TLK1: variants seen among roughly 807,000 people sequenced by gnomAD.
TLK1 encodes the protein serine/threonine-protein kinase tousled-like 1.
In TLK1, 24 loss-of-function variants were observed where a neutral mutation model predicts 105.3. That is an observed-to-expected ratio of 0.23 (90% confidence interval 0.17 to 0.32). The LOEUF (loss-of-function observed/expected upper bound fraction) is 0.32. Among genes scored for constraint, TLK1 ranks in the 10% least tolerant of loss-of-function variants. The pLI, the probability that TLK1 is intolerant of heterozygous loss-of-function variation, is 1.00. For synonymous variants in TLK1, 321 were observed against 310.4 expected (o/e 1.03, Z -0.36); for missense variants, 558 against 910.5 (o/e 0.61, Z 4.98).
intron 1 of TLK1, among the ~76,000 whole-genome samples, chr2:171,196,740 G>C (rs1262857868): frequency 6.6e-6 from 1 of 152,190 alleles, no homozygotes; most frequent in African/African-American, 2.4e-5. Context: ...GCAGCAGTCT[G>C]GAGGCCATTG....
upstream of TLK1, among the ~76,000 whole-genome samples, chr2:171,165,676 G>A (rs1692594063): frequency 6.6e-6 from 1 of 152,202 alleles, no homozygotes; most frequent in Admixed American, 6.5e-5. Context: ...ATTTTGGGAG[G>A]CCGAGGCGGG....
intron 1 of TLK1, among the ~76,000 whole-genome samples, chr2:171,229,928 C>T (rs1224403144): frequency 6.6e-6 from 1 of 152,114 alleles, no homozygotes; most frequent in Non-Finnish European, 1.5e-5. Flanking sequence ...CTGTTCTTGC[C>T]CTTCCTTAGG....
At chr2:171,015,432 AC>A in intron 12 of TLK1, among the ~76,000 whole-genome samples, 1 of 142,754 alleles carries the variant, frequency 7.0e-6, no homozygotes, top group Admixed American at 6.8e-5. Flanking sequence ...ACACACACAC[AC>A]ACACACACAC....
chr2:171,108,448 C>A (rs752094968), intron 2 of TLK1, among the ~76,000 whole-genome samples: 17 of 151,838 alleles, frequency 1.1e-4, no homozygotes, highest in Non-Finnish European at 1.6e-4. Flanking sequence ...ATGGAAAACA[C>A]GTAAAGTACA....
intron 2 of TLK1, among the ~76,000 whole-genome samples, chr2:171,101,047 G>C (rs1177776564): frequency 6.6e-6 from 1 of 152,096 alleles, no homozygotes; most frequent in African/African-American, 2.4e-5. Flanking sequence ...ATTATGCTAG[G>C]TTTTAAAAGC....
chr2:171,002,189 T>C (rs528218077), intron 18 of TLK1, among the ~76,000 whole-genome samples: 1 of 152,324 alleles, frequency 6.6e-6, no homozygotes, highest in South Asian at 2.1e-4. Context: ...AACCATCCTT[T>C]ACTGGCATGA....
chr2:171,028,277 C>T, intron 12 of TLK1, 62 bp downstream of exon 12: 1 of 1,230,278 alleles, frequency 8.1e-7, no homozygotes, highest in Non-Finnish European at 1.2e-6. Context: ...TGACTTATAA[C>T]ACAACTTCCC....
At chr2:171,207,267 A>G (rs765503207) in intron 1 of TLK1, among the ~76,000 whole-genome samples, 2 of 152,234 alleles carry the variant, frequency 1.3e-5, no homozygotes, top group African/African-American at 2.4e-5. Context: ...TAAAATACAT[A>G]TTACTAAGTG....
intron 1 of TLK1, among the ~76,000 whole-genome samples, chr2:171,187,165 A>T (rs1296465347): frequency 6.6e-6 from 1 of 151,712 alleles, no homozygotes; most frequent in Non-Finnish European, 1.5e-5. Context: ...TCCAGGTAAG[A>T]GTAATTCTAA....
chr2:171,119,752 G>C (rs541838293), intron 1 of TLK1, among the ~76,000 whole-genome samples: 3 of 152,242 alleles, frequency 2.0e-5, no homozygotes, highest in Non-Finnish European at 4.4e-5. Context: ...ATGGTGCAGG[G>C]AAAACTGGAT....
intron 1 of TLK1, among the ~76,000 whole-genome samples, chr2:171,123,586 T>C (rs550882351): frequency 6.6e-6 from 1 of 152,276 alleles, no homozygotes; most frequent in African/African-American, 2.4e-5. Flanking sequence ...GACAGGTGGA[T>C]TGTTTGAGCC....
chr2:171,090,227 AT>A, intron 2 of TLK1, among the ~76,000 whole-genome samples: 1 of 152,254 alleles, frequency 6.6e-6, no homozygotes, highest in South Asian at 2.1e-4. Context: ...TATATTAACA[AT>A]TTTTAATACT....
In TLK1 at chr2:170,993,954, T is replaced by C; in HGVS notation, c.2127A>G (p.Ala709=). The change falls in exon 21 of 21, where the codon GCA becomes GCG. Residue 709 remains alanine (A), a splice_region_variant and synonymous_variant. Transcript: ENST00000431350. ...VKPVVSSEAK[A]FIRRCLAYRK... ...GATATGCCAAACAGCGTCTTATAAA[T>C]GCCTCAAAAAGAGAAAGGAAATGTT... is the stretch of plus-strand genomic sequence containing the variant. 2 of 1,595,384 alleles carry C rather than the reference T, an allele frequency of 1.3e-6. No individual in the cohort carries two copies. Among genetic ancestry groups the C allele is most frequent in the South Asian group, 2.3e-5 (2 of 87,182 alleles).
intron 1 of TLK1, among the ~76,000 whole-genome samples, chr2:171,127,620 T>C (rs1234316667): frequency 1.3e-5 from 2 of 152,132 alleles, no homozygotes; most frequent in African/African-American, 4.8e-5. Flanking sequence ...TTCCTACATT[T>C]TTTTCTAATG....
intron 18 of TLK1, 106 bp downstream of exon 18, chr2:171,006,041 A>G (rs565546069): frequency 5.3e-4 from 624 of 1,182,656 alleles, no homozygotes; most frequent in Non-Finnish European, 6.6e-4. Context: ...TACCTTTACC[A>G]CAGTAATCTT....
chr2:171,179,748 A>G (rs961203097), intron 1 of TLK1, among the ~76,000 whole-genome samples: 40 of 152,216 alleles, frequency 2.6e-4, no homozygotes, highest in African/African-American at 9.6e-4. Context: ...ACTTGAGGTC[A>G]GGGGTTCAAG....
chr2:171,160,650 A>T lies in TLK1; in HGVS notation c.-222T>A. 1 of 619,166 alleles carries T rather than the reference A, an allele frequency of 1.6e-6. No homozygotes were observed. Among genetic ancestry groups the T allele is most frequent in the Non-Finnish European group, 2.5e-6 (1 of 393,628 alleles). The allele number at this position is 619,166 out of a possible 1,614,324, so 38.4% of individuals were successfully genotyped here. On this transcript the variant is annotated 5_prime_UTR_variant, in exon 1 of 21. Transcript: ENST00000431350. This position sits in a 1 kb window ranked among gnomAD's most constrained non-coding sequence, Gnocchi z 4.4. The stretch of plus-strand genomic sequence containing the variant: ...GGACAGGGAGGAGGGAAAGGGGGAG[A>T]AGCGAGGGAGCGAGCGGGCGCGCCA...
chr2:171,067,888 T>C (rs932085072), intron 3 of TLK1, among the ~76,000 whole-genome samples: 1 of 152,198 alleles, frequency 6.6e-6, no homozygotes, highest in Non-Finnish European at 1.5e-5. Context: ...CTTCTGTTCT[T>C]GTGTTAGTTT....
chr2:171,229,093 TC>T (rs1693948363), intron 1 of TLK1, among the ~76,000 whole-genome samples: 1 of 152,200 alleles, frequency 6.6e-6, no homozygotes, highest in Non-Finnish European at 1.5e-5. Flanking sequence ...TGGTCTTACA[TC>T]TTTTGTTTTC....
Sources: gnomAD v4.1 joint callset for allele counts (sites outside exome capture counted in the v4.1 genomes callset) on GRCh38, gnomAD v4.1.1 for gene constraint, Gnocchi (gnomAD v3.1) non-coding constraint, MANE v1.5 for transcripts, NCBI Gene and HGNC (gene_info 2026-07-23, HGNC 2026-07-21) for gene names.